The following SMIM22 variants were observed in gnomAD, a reference collection of about 807,000 sequenced individuals.
SMIM22 encodes the protein cancer associated small integral membrane open reading frame 1.
SMIM22 carries 16 observed loss-of-function variants against 8.4 expected under a neutral mutation model. The observed-to-expected ratio is 1.90, with a 90% confidence interval of 1.29 to 2.89. The LOEUF (loss-of-function observed/expected upper bound fraction) is 2.89. Ranked by LOEUF, SMIM22 falls within the 30% of genes most tolerant of loss-of-function variation. The pLI is 0.00. For missense variants in SMIM22, 159 were observed against 107.5 expected (o/e 1.48, Z -2.12); for synonymous variants, 67 against 47.6 (o/e 1.41, Z -1.68).
chr16:4,792,442 G>T (rs565826053), upstream of SMIM22, among the ~76,000 whole-genome samples: 1 of 149,444 alleles, frequency 6.7e-6, no homozygotes, highest in South Asian at 2.2e-4. Flanking sequence ...TGCCCCCCTC[G>T]GCCTCCCAAA....
chr16:4,792,099 G>A (rs1036993708), upstream of SMIM22, among the ~76,000 whole-genome samples: 1 of 152,184 alleles, frequency 6.6e-6, no homozygotes, highest in African/African-American at 2.4e-5. Context: ...GAGACAGGAA[G>A]ACTGAGGGCC....
At chr16:4,789,884 TTTTCTTTCTTTTCTCCTTTCTTTTC>T (rs1337116893) in intron 2 of SMIM22, 5 of 152,032 alleles carry the variant, frequency 3.3e-5, no homozygotes, top group African/African-American at 1.2e-4. Context: ...TCTCTTTCTT[TTTTCTTTCTTTTCTCCTTTCTTTTC>T]TTTCTTTTTT....
chr16:4,788,985 C>A (rs1007062752), intron 2 of SMIM22, among the ~76,000 whole-genome samples: 12 of 152,194 alleles, frequency 7.9e-5, no homozygotes, highest in Non-Finnish European at 1.5e-4. Context: ...GTGGTCCTCA[C>A]CCCTGCCTTA....
upstream of SMIM22, among the ~76,000 whole-genome samples, chr16:4,793,506 C>T (rs891342517): frequency 6.6e-6 from 1 of 152,094 alleles, no homozygotes; most frequent in Non-Finnish European, 1.5e-5. Flanking sequence ...GAGGAATAAA[C>T]CAGGTGACAC....
upstream of SMIM22, among the ~76,000 whole-genome samples, chr16:4,792,398 G>A (rs1173756063): frequency 6.6e-6 from 1 of 150,474 alleles, no homozygotes; most frequent in Non-Finnish European, 1.5e-5. Context: ...CACCGTGTTA[G>A]CCAGGATGGT....
rs62036088 is a variant in SMIM22, at chr16:4,796,335, G to C, written c.*104G>C. 7.2e-7 allele frequency: 1 copy of C among 1,384,296 alleles called. No individual in the cohort carries two copies. The highest frequency in any genetic ancestry group is 9.7e-7 in the Non-Finnish European group (1 of 1,028,088). The allele number at this position is 1,384,296 out of a possible 1,614,324, so 85.8% of individuals were successfully genotyped here. A position where few individuals can be genotyped will look rare whatever the true frequency, so the allele number is the denominator to read the frequency against. ...CGTCTGGGTGGGTGACGCGGGACTC[G>C]CCGCCCCACTCAGGTGGCCACCTGG... On this transcript the variant is annotated 3_prime_UTR_variant, in exon 4 of 4. Transcript: ENST00000586005.
chr16:4,789,401 C>G (rs1164033252), intron 2 of SMIM22, among the ~76,000 whole-genome samples: 2 of 151,900 alleles, frequency 1.3e-5, no homozygotes, highest in African/African-American at 4.8e-5. Context: ...TCTCGGCTCA[C>G]TGTAAGCTCT....
chr16:4,792,474 G>A (rs1339772733), upstream of SMIM22, among the ~76,000 whole-genome samples: 6 of 148,100 alleles, frequency 4.1e-5, no homozygotes, highest in African/African-American at 1.5e-4. Flanking sequence ...ACAGGCATGA[G>A]CCACCGCGCC....
At position 4,795,454 on chromosome 16, in the gene SMIM22, G is replaced by T; in HGVS notation, c.-21+5G>T. 1 of 473,978 alleles carries T rather than the reference G, an allele frequency of 2.1e-6. No individual in the cohort carries two copies. The highest frequency in any genetic ancestry group is 3.8e-6 in the Non-Finnish European group (1 of 263,606). The allele number at this position is 473,978 out of a possible 1,614,324, so 29.4% of individuals were successfully genotyped here. On this transcript the variant is annotated splice_donor_5th_base_variant and intron_variant, in intron 1 of 3. Transcript: ENST00000586005. ...GGAATTGGAGGCTTCTAGGAGGTAG[G>T]TGGGGGCCTGGGGGCTGGGCTGCCA...
upstream of SMIM22, among the ~76,000 whole-genome samples, chr16:4,790,790 GTAAA>G (rs574580783): frequency 3.7e-4 from 57 of 152,126 alleles, no homozygotes; most frequent in East Asian, 1.4e-3. Context: ...CCCTAGCTCA[GTAAA>G]TAAATAAATA....
chr16:4,793,286 C>G (rs578138783), upstream of SMIM22, among the ~76,000 whole-genome samples: 3 of 152,076 alleles, frequency 2.0e-5, no homozygotes, highest in South Asian at 6.2e-4. Flanking sequence ...ATGAACACAG[C>G]CTGGTCGACC....
upstream of SMIM22, among the ~76,000 whole-genome samples, chr16:4,793,922 G>A (rs1373723247): frequency 3.3e-5 from 5 of 151,706 alleles, no homozygotes; most frequent in Admixed American, 2.0e-4. Flanking sequence ...GATTACAGGA[G>A]TATGCCACCG....
chr16:4,795,472 G>C (rs908169671), intron 1 of SMIM22, 23 bp downstream of exon 1: 3 of 510,404 alleles, frequency 5.9e-6, no homozygotes, highest in Non-Finnish European at 1.0e-5. Flanking sequence ...CTGGGGGCTG[G>C]GCTGCCAGGG....
upstream of SMIM22, among the ~76,000 whole-genome samples, chr16:4,793,225 C>A (rs2082579928): frequency 1.3e-5 from 2 of 152,092 alleles, no homozygotes; most frequent in African/African-American, 4.8e-5. Context: ...TGCCACCACC[C>A]TCTAGAAGCT....
At chr16:4,790,978 T>A (rs957998737), upstream of SMIM22, among the ~76,000 whole-genome samples, 1 of 152,130 alleles carries the variant, frequency 6.6e-6, no homozygotes, top group Non-Finnish European at 1.5e-5. Flanking sequence ...CGGGGGCCTC[T>A]CCCATAAGCA....
upstream of SMIM22, among the ~76,000 whole-genome samples, chr16:4,791,442 C>T (rs540585021): frequency 5.3e-4 from 81 of 152,194 alleles, no homozygotes; most frequent in African/African-American, 1.8e-3. Flanking sequence ...GCTCTGACAT[C>T]GATGATCAGT....
chr16:4,793,327 G>C (rs891311383), upstream of SMIM22, among the ~76,000 whole-genome samples: 22 of 152,094 alleles, frequency 1.4e-4, no homozygotes, highest in African/African-American at 5.3e-4. Flanking sequence ...AGAACCATAG[G>C]GCAATACATT....
At chr16:4,794,712 G>C (rs1160031919), upstream of SMIM22, among the ~76,000 whole-genome samples, 3 of 152,136 alleles carry the variant, frequency 2.0e-5, no homozygotes, top group Non-Finnish European at 1.5e-5. Context: ...GAGCCACTGC[G>C]CCCGGCCCAA....
At chr16:4,788,513 G>C (rs2082496966) in exon 1 of SMIM22, 1 of 152,150 alleles carries the variant, frequency 6.6e-6, no homozygotes. Context: ...GTAGAACCAG[G>C]GGCCCAAGGC....
Sources: allele counts gnomAD v4.1 joint callset (sites outside exome capture counted in the v4.1 genomes callset), GRCh38; gene constraint gnomAD v4.1.1; transcripts MANE v1.5; gene names NCBI Gene and HGNC (gene_info 2026-07-23, HGNC 2026-07-21).